The following SKAP1 variants were observed in gnomAD, a reference collection of about 807,000 sequenced individuals.
SKAP1 encodes src kinase-associated phosphoprotein 1.
Under a neutral mutation model 58.5 loss-of-function variants are expected in SKAP1, and 44 were observed. The observed-to-expected ratio is 0.75, with a 90% CI of 0.59 to 0.97. The LOEUF (loss-of-function observed/expected upper bound fraction) is 0.97, where lower values mean the gene tolerates loss of function less well. Ranked by LOEUF, SKAP1 falls within the 50% of genes least tolerant of loss-of-function variation. SKAP1 has a pLI of 0.00. For missense variants in SKAP1, 390 were observed against 435.2 expected (o/e 0.90, Z 0.92); for synonymous variants, 127 against 149.7 (o/e 0.85, Z 1.11).
intron 3 of SKAP1, among the ~76,000 whole-genome samples, chr17:48,360,137 C>A (rs1369195536): frequency 6.6e-6 from 1 of 152,018 alleles, no homozygotes; most frequent in Non-Finnish European, 1.5e-5. Context: ...TGAGTGACCA[C>A]TGGATAAAAA....
At chr17:48,212,002 T>C (rs2064877999) in intron 4 of SKAP1, among the ~76,000 whole-genome samples, 1 of 149,934 alleles carries the variant, frequency 6.7e-6, no homozygotes, top group Admixed American at 6.7e-5. Flanking sequence ...CAAATCTAGT[T>C]GCCGTGGAGG....
At chr17:48,295,880 T>A (rs902950665) in intron 4 of SKAP1, among the ~76,000 whole-genome samples, 2 of 151,978 alleles carry the variant, frequency 1.3e-5, no homozygotes, top group African/African-American at 4.8e-5. Flanking sequence ...ACATAACACA[T>A]TTATGTGTCT....
intron 4 of SKAP1, among the ~76,000 whole-genome samples, chr17:48,282,876 T>C (rs150563913): frequency 2.0e-5 from 3 of 152,036 alleles, no homozygotes; most frequent in African/African-American, 7.2e-5. Context: ...AACCCACCCA[T>C]CTGAGGGAAC....
intron 2 of SKAP1, among the ~76,000 whole-genome samples, chr17:48,391,480 C>A (rs1290539979): frequency 6.6e-6 from 1 of 152,162 alleles, no homozygotes; most frequent in African/African-American, 2.4e-5. Context: ...GCAATAAATA[C>A]AACCTCTCAT....
At chr17:48,229,187 G>T (rs2065100816) in intron 4 of SKAP1, among the ~76,000 whole-genome samples, 1 of 152,106 alleles carries the variant, frequency 6.6e-6, no homozygotes, top group Non-Finnish European at 1.5e-5. Flanking sequence ...TCAACTTAGG[G>T]TTCTGAAGCT....
intron 5 of SKAP1, among the ~76,000 whole-genome samples, 176 bp downstream of exon 5, chr17:48,189,247 C>G (rs2064502296): frequency 6.6e-6 from 1 of 152,188 alleles, no homozygotes; most frequent in Non-Finnish European, 1.5e-5. Context: ...GCTGGGACAT[C>G]TCTCTTTAGC....
At chr17:48,162,163 A>C (rs2064078392) in intron 11 of SKAP1, among the ~76,000 whole-genome samples, 1 of 152,124 alleles carries the variant, frequency 6.6e-6, no homozygotes, top group Non-Finnish European at 1.5e-5. Flanking sequence ...ACTGGGTTTC[A>C]GCATGTTGCC....
At chr17:48,238,729 A>G (rs1036098021) in intron 4 of SKAP1, among the ~76,000 whole-genome samples, 1 of 152,180 alleles carries the variant, frequency 6.6e-6, no homozygotes, top group Admixed American at 6.5e-5. Context: ...TGAAGTAAAA[A>G]ATTGTAATAA....
chr17:48,408,684 T>A (rs942928330), intron 1 of SKAP1, among the ~76,000 whole-genome samples: 6 of 152,198 alleles, frequency 3.9e-5, no homozygotes, highest in Non-Finnish European at 7.3e-5. Context: ...AATTTCCTGA[T>A]AAATGGCAAA....
chr17:48,278,819 T>C (rs1166148321), intron 4 of SKAP1, among the ~76,000 whole-genome samples: 2 of 151,988 alleles, frequency 1.3e-5, no homozygotes, highest in African/African-American at 4.8e-5. Context: ...GAAAACAAAG[T>C]TTCAGACATA....
At chr17:48,221,220 TTG>T (rs2065003066) in intron 4 of SKAP1, among the ~76,000 whole-genome samples, 1 of 152,058 alleles carries the variant, frequency 6.6e-6, no homozygotes, top group African/African-American at 2.4e-5. Flanking sequence ...TGAGCCAAGA[TTG>T]CACCACTGCA....
At chr17:48,345,053 T>C (rs1256912348) in intron 4 of SKAP1, among the ~76,000 whole-genome samples, 3 of 152,182 alleles carry the variant, frequency 2.0e-5, no homozygotes, top group African/African-American at 7.2e-5. Context: ...TTTTTAACCC[T>C]ACTGGGAAGG....
chr17:48,418,956 G>C (rs532149107), intron 1 of SKAP1, among the ~76,000 whole-genome samples: 1 of 152,234 alleles, frequency 6.6e-6, no homozygotes, highest in South Asian at 2.1e-4. Flanking sequence ...ATATTGATAA[G>C]GTATCTTGAT....
chr17:48,334,576 C>T (rs1381951277), intron 4 of SKAP1, among the ~76,000 whole-genome samples: 1 of 151,514 alleles, frequency 6.6e-6, no homozygotes, highest in South Asian at 2.1e-4. Context: ...CATGAAAGCA[C>T]GGCCTTTACA....
intron 2 of SKAP1, among the ~76,000 whole-genome samples, chr17:48,369,103 C>T (rs1261270182): frequency 6.6e-6 from 1 of 151,764 alleles, no homozygotes. Context: ...GCCGAGATCG[C>T]GCCATGCACT....
chr17:48,183,365 G>C (rs952905260), intron 7 of SKAP1, among the ~76,000 whole-genome samples: 2 of 152,134 alleles, frequency 1.3e-5, no homozygotes, highest in African/African-American at 4.8e-5. Context: ...ATAGGCCAAA[G>C]AAAAGAAGTA....
chr17:48,209,556 C>T (rs999929545), intron 4 of SKAP1, among the ~76,000 whole-genome samples: 2 of 152,152 alleles, frequency 1.3e-5, no homozygotes, highest in Non-Finnish European at 2.9e-5. Flanking sequence ...TGACTCTTTG[C>T]TCTGTGTTCT....
chr17:48,260,558 T>C (rs1274301150), intron 4 of SKAP1, among the ~76,000 whole-genome samples: 1 of 152,198 alleles, frequency 6.6e-6, no homozygotes, highest in African/African-American at 2.4e-5. Context: ...GTATTATCGG[T>C]TCAATTTAAT....
chr17:48,421,398 G>A (rs1415957096), intron 1 of SKAP1, among the ~76,000 whole-genome samples: 6 of 151,398 alleles, frequency 4.0e-5, no homozygotes, highest in Non-Finnish European at 8.8e-5. Context: ...CTGCCTCCCA[G>A]GTTCAAGTGA....
Sources: allele counts gnomAD v4.1 joint callset (sites outside exome capture counted in the v4.1 genomes callset), GRCh38; gene constraint gnomAD v4.1.1; transcripts MANE v1.5; gene names NCBI Gene and HGNC (gene_info 2026-07-23, HGNC 2026-07-21).